Variants in RBFOX1 observed in about 807,000 individuals in gnomAD.
RBFOX1 encodes RNA binding fox-1 homolog 1.
A neutral mutation model predicts 57.7 loss-of-function variants in RBFOX1; 8 were observed. That is an observed-to-expected ratio of 0.14 (90% CI 0.08 to 0.25). The LOEUF is 0.25. Ranked by LOEUF, RBFOX1 falls within the 10% of genes least tolerant of loss-of-function variation. The pLI is 1.00. For missense variants in RBFOX1, 611 were observed against 548.5 expected, an observed-to-expected ratio of 1.11 and a Z score of -1.14; for synonymous variants, 326 against 222.4, an observed-to-expected ratio of 1.47 and a Z score of -4.15.
At chr16:5,277,005 C>T (rs1037190619) in intron 1 of RBFOX1, among the ~76,000 whole-genome samples, 3 of 152,132 alleles carry the variant, frequency 2.0e-5, no homozygotes, top group African/African-American at 7.2e-5. Flanking sequence ...ATGTTTACAT[C>T]AGCAAAATTC....
intron 10 of RBFOX1, among the ~76,000 whole-genome samples, chr16:7,608,596 G>A (rs2056813917): frequency 6.6e-6 from 1 of 152,100 alleles, no homozygotes; most frequent in Non-Finnish European, 1.5e-5. Flanking sequence ...GCTGAGTAAG[G>A]AACATGGAAA....
intron 3 of RBFOX1, among the ~76,000 whole-genome samples, chr16:5,840,792 A>G (rs538280451): frequency 4.6e-5 from 7 of 152,256 alleles, no homozygotes; most frequent in East Asian, 1.9e-4. Flanking sequence ...GTTCCCTATC[A>G]TGGAAAACAC....
At chr16:6,595,995 G>T (rs191068066) in intron 2 of RBFOX1, among the ~76,000 whole-genome samples, 2 of 149,452 alleles carry the variant, frequency 1.3e-5, no homozygotes, top group East Asian at 4.7e-4. Context: ...TTTTTAAGTT[G>T]TATGTAAGGG....
intron 2 of RBFOX1, among the ~76,000 whole-genome samples, chr16:6,470,054 A>G (rs1348489707): frequency 6.6e-6 from 1 of 152,178 alleles, no homozygotes; most frequent in East Asian, 1.9e-4. Context: ...TTAAGTATCT[A>G]CTTTGTGCCT....
At chr16:5,893,864 A>T (rs1442168299) in intron 4 of RBFOX1, among the ~76,000 whole-genome samples, 1 of 152,208 alleles carries the variant, frequency 6.6e-6, no homozygotes, top group Non-Finnish European at 1.5e-5. Flanking sequence ...TACCTACAAA[A>T]ATTGAAGATT....
chr16:6,403,993 C>G (rs149411133), intron 2 of RBFOX1, among the ~76,000 whole-genome samples: 207 of 152,250 alleles, frequency 1.4e-3, no homozygotes, highest in African/African-American at 4.6e-3. Context: ...CATGCTGGCA[C>G]TCCAATATCA....
intron 1 of RBFOX1, among the ~76,000 whole-genome samples, chr16:6,305,015 G>A (rs1179734080): frequency 6.6e-6 from 1 of 152,198 alleles, no homozygotes; most frequent in Non-Finnish European, 1.5e-5. Flanking sequence ...AATCTGTTGG[G>A]AAGGGGTGAT....
chr16:6,381,879 G>A (rs2091852119), intron 2 of RBFOX1, among the ~76,000 whole-genome samples: 1 of 152,206 alleles, frequency 6.6e-6, no homozygotes, highest in African/African-American at 2.4e-5. Context: ...GGGTTTAATA[G>A]CTGTCTCCCC....
chr16:7,337,021 G>C (rs2144823844), intron 4 of RBFOX1, among the ~76,000 whole-genome samples: 1 of 152,272 alleles, frequency 6.6e-6, no homozygotes, highest in African/African-American at 2.4e-5. Context: ...ATAACTTTCT[G>C]AAAAAGCCCC....
At chr16:7,441,525 TATA>T (rs2098766743) in intron 4 of RBFOX1, among the ~76,000 whole-genome samples, 1 of 152,150 alleles carries the variant, frequency 6.6e-6, no homozygotes, top group African/African-American at 2.4e-5. Flanking sequence ...TCTCTCCTAC[TATA>T]ATATCTTTTT....
intron 4 of RBFOX1, among the ~76,000 whole-genome samples, chr16:7,339,511 G>C (rs1160308244): frequency 6.6e-6 from 1 of 152,192 alleles, no homozygotes; most frequent in Non-Finnish European, 1.5e-5. Context: ...CATGATCTCA[G>C]CTCACTGCAC....
At chr16:7,178,165 T>G (rs1024964335) in intron 4 of RBFOX1, among the ~76,000 whole-genome samples, 1 of 152,224 alleles carries the variant, frequency 6.6e-6, no homozygotes, top group Non-Finnish European at 1.5e-5. Context: ...ACATGTTTAT[T>G]CCTTGCTCAT....
chr16:5,711,066 G>T (rs956391578), intron 3 of RBFOX1, among the ~76,000 whole-genome samples: 3 of 152,208 alleles, frequency 2.0e-5, no homozygotes, highest in South Asian at 2.1e-4. Flanking sequence ...TCTGGAAGGG[G>T]AGAGAGTGAA....
At chr16:6,853,536 G>T (rs868569294) in intron 3 of RBFOX1, among the ~76,000 whole-genome samples, 1 of 152,078 alleles carries the variant, frequency 6.6e-6, no homozygotes, top group Non-Finnish European at 1.5e-5. Flanking sequence ...AGTGGTAGAT[G>T]CTTTCAGAAT....
chr16:6,215,945 C>T (rs917445152), intron 1 of RBFOX1, among the ~76,000 whole-genome samples: 2 of 152,166 alleles, frequency 1.3e-5, no homozygotes, highest in Admixed American at 6.5e-5. Flanking sequence ...GGGAAGATCA[C>T]AGCCGTAAAA....
chr16:6,465,787 A>T (rs989372715), intron 2 of RBFOX1, among the ~76,000 whole-genome samples: 4 of 152,058 alleles, frequency 2.6e-5, no homozygotes, highest in African/African-American at 4.8e-5. Flanking sequence ...GGCTCTTTGC[A>T]GGACAAAAGA....
intron 5 of RBFOX1, among the ~76,000 whole-genome samples, chr16:7,546,022 A>AT (rs2084390770): frequency 6.8e-6 from 1 of 148,014 alleles, no homozygotes; most frequent in South Asian, 2.1e-4. Flanking sequence ...TATAAAAAAA[A>AT]AAAAAAAAGA....
chr16:5,895,474 C>T (rs564029797), intron 4 of RBFOX1, among the ~76,000 whole-genome samples: 71 of 152,314 alleles, frequency 4.7e-4, no homozygotes, highest in Middle Eastern at 3.4e-3. Flanking sequence ...AGAAAACGTA[C>T]GTGATTGAAA....
intron 1 of RBFOX1, among the ~76,000 whole-genome samples, chr16:6,189,546 A>G (rs1209864078): frequency 6.6e-6 from 1 of 152,086 alleles, no homozygotes; most frequent in Non-Finnish European, 1.5e-5. Flanking sequence ...GTGCGGGAGC[A>G]CTCAAACCAC....
Sources: allele counts gnomAD v4.1 joint callset (sites outside exome capture counted in the v4.1 genomes callset), GRCh38; gene constraint gnomAD v4.1.1; transcripts MANE v1.5; gene names NCBI Gene and HGNC (gene_info 2026-07-23, HGNC 2026-07-21).